The following FAF1 variants were observed in gnomAD, a reference collection of about 807,000 sequenced individuals.
FAF1 encodes FAS-associated factor 1.
A neutral mutation model predicts 92.5 loss-of-function variants in FAF1; 25 were observed. That is an observed-to-expected ratio of 0.27 (90% CI 0.20 to 0.38). The LOEUF is 0.38. FAF1 is among the 10% of genes least tolerant of loss of function. The pLI, the probability that FAF1 is intolerant of heterozygous loss-of-function variation, is 1.00. For synonymous variants in FAF1, 234 were observed against 273.2 expected (o/e 0.86, Z 1.42); for missense variants, 636 against 793.3 (o/e 0.80, Z 2.38).
chr1:50,881,526 A>G (rs1644612247), intron 1 of FAF1, among the ~76,000 whole-genome samples: 1 of 152,218 alleles, frequency 6.6e-6, no homozygotes. Context: ...CACTACCAAA[A>G]GAAGGAACAT....
At chr1:50,481,303 T>C (rs1429554984) in intron 17 of FAF1, among the ~76,000 whole-genome samples, 1 of 152,190 alleles carries the variant, frequency 6.6e-6, no homozygotes, top group Non-Finnish European at 1.5e-5. Context: ...GCTCACTGAG[T>C]CACCCAGAGC....
At chr1:50,512,545 C>T (rs1377061358) in intron 15 of FAF1, among the ~76,000 whole-genome samples, 2 of 152,154 alleles carry the variant, frequency 1.3e-5, no homozygotes, top group East Asian at 3.9e-4. Flanking sequence ...GATGGTTGTA[C>T]ATGTGTGGTG....
intron 15 of FAF1, among the ~76,000 whole-genome samples, chr1:50,530,976 C>T (rs1648134676): frequency 2.0e-5 from 3 of 152,168 alleles, no homozygotes; most frequent in Admixed American, 6.6e-5. Context: ...AAAAGTTACA[C>T]ACTTGTAGCA....
chr1:50,534,785 A>G (rs1648382412), intron 15 of FAF1, among the ~76,000 whole-genome samples: 1 of 152,180 alleles, frequency 6.6e-6, no homozygotes, highest in Admixed American at 6.5e-5. Flanking sequence ...AGTATTGAAC[A>G]CTATTGTCAT....
At chr1:50,788,241 C>T in intron 3 of FAF1, 36 bp from the exon 4 acceptor site, 1 of 1,558,412 alleles carries the variant, frequency 6.4e-7, no homozygotes, top group Non-Finnish European at 8.8e-7. Flanking sequence ...TTATTGTCAA[C>T]TAAATCATTA....
At chr1:50,948,492 T>C (rs1645188396) in intron 1 of FAF1, among the ~76,000 whole-genome samples, 1 of 151,708 alleles carries the variant, frequency 6.6e-6, no homozygotes, top group African/African-American at 2.4e-5. Context: ...AGAGAGAAAA[T>C]GGTGAAGATC....
chr1:50,558,622 T>C (rs1026591803), intron 13 of FAF1, among the ~76,000 whole-genome samples: 2 of 152,074 alleles, frequency 1.3e-5, no homozygotes, highest in African/African-American at 4.8e-5. Flanking sequence ...ATGAGAAAAA[T>C]AGAATGTGAT....
intron 6 of FAF1, among the ~76,000 whole-genome samples, chr1:50,724,047 C>A (rs1658521261): frequency 6.6e-6 from 1 of 151,908 alleles, no homozygotes; most frequent in African/African-American, 2.4e-5. Flanking sequence ...CCACACCCAG[C>A]ACAAAACCCC....
In FAF1 at chr1:50,759,996, GTTGT is replaced by G. The variant is rs1232835029; in HGVS notation, c.368-15225_368-15222del. ...TGTTCTTCACCCACTTTTTGATGGG[GTTGT>G]TTGTTTTTTTCTTGTAAATTTGTTT... On this transcript the variant is annotated intron_variant, in intron 4 of 18. Coordinates refer to ENST00000396153, the MANE Select transcript of FAF1 (RefSeq NM_007051.3). Among the ~76,000 whole-genome samples, 22 of 152,190 alleles carry G rather than the reference GTTGT, an allele frequency of 1.4e-4. No homozygotes were observed. The South Asian group carries it at 1.9e-3, about 13-fold the overall frequency.
At chr1:50,741,690 C>A (rs964845447) in intron 5 of FAF1, among the ~76,000 whole-genome samples, 8 of 152,052 alleles carry the variant, frequency 5.3e-5, no homozygotes, top group African/African-American at 7.3e-5. Flanking sequence ...TTTTAAAGAT[C>A]GAATCTACAG....
At chr1:50,664,628 A>C (rs1247480043) in intron 7 of FAF1, among the ~76,000 whole-genome samples, 1 of 152,050 alleles carries the variant, frequency 6.6e-6, no homozygotes, top group African/African-American at 2.4e-5. Flanking sequence ...GTCTCTACTA[A>C]AAATACAAAA....
chr1:50,536,762 G>A lies in FAF1; in HGVS notation c.1406-1305C>T, dbSNP rs537007379. Among the ~76,000 whole-genome samples the A allele has an allele frequency of 2.3e-4, 35 of 152,090 alleles. No homozygotes were observed. The South Asian group carries it at 6.7e-3, about 29-fold the overall frequency. ...ACCTGGAAATTGGCACATGACAAAG[G>A]CTTTAATGAATATTTATTCAATAAA... On this transcript the variant is annotated intron_variant, in intron 14 of 18. Transcript: ENST00000396153.
intron 3 of FAF1, among the ~76,000 whole-genome samples, chr1:50,799,043 C>T (rs571818595): frequency 2.0e-5 from 3 of 152,102 alleles, no homozygotes; most frequent in Non-Finnish European, 4.4e-5. Context: ...AACTCCTGAC[C>T]GCGAGTGATC....
rs140827856 is a variant in FAF1, at chr1:50,956,518, G to A, written c.45+3249C>T. Among the ~76,000 whole-genome samples, 25 of 152,228 alleles carry A rather than the reference G, an allele frequency of 1.6e-4. No individual in the cohort carries two copies. In the East Asian group the frequency reaches 4.8e-3, roughly 29 times the overall value. On this transcript the variant is annotated intron_variant, in intron 1 of 18. Coordinates refer to ENST00000396153, the MANE Select transcript of FAF1 (RefSeq NM_007051.3). ...AATACTGAGCTCTCAAACTATTATT[G>A]AGTCTCACAATCATATGATATAAAC...
At chr1:50,811,072 T>C (rs1385007554) in intron 2 of FAF1, among the ~76,000 whole-genome samples, 2 of 152,032 alleles carry the variant, frequency 1.3e-5, no homozygotes, top group Non-Finnish European at 2.9e-5. Context: ...TGGTGGCTCA[T>C]GGCTGTAATT....
intron 6 of FAF1, among the ~76,000 whole-genome samples, chr1:50,735,213 AAC>A (rs753184802): frequency 3.3e-5 from 5 of 152,230 alleles, no homozygotes; most frequent in Non-Finnish European, 5.9e-5. Flanking sequence ...CAGTATAATT[AAC>A]AGTTTGTTTT....
At chr1:50,706,820 T>C (rs1460193400) in intron 6 of FAF1, among the ~76,000 whole-genome samples, 1 of 152,192 alleles carries the variant, frequency 6.6e-6, no homozygotes, top group Non-Finnish European at 1.5e-5. Context: ...GGAAAATATT[T>C]TGGGTGTGCT....
chr1:50,480,405 CTA>C (rs1440768112), intron 17 of FAF1, among the ~76,000 whole-genome samples: 3 of 152,170 alleles, frequency 2.0e-5, no homozygotes, highest in Non-Finnish European at 4.4e-5. Flanking sequence ...CTCTAGGTTT[CTA>C]TGAGTATGTA....
intron 6 of FAF1, among the ~76,000 whole-genome samples, chr1:50,711,838 G>A (rs771265578): frequency 2.7e-4 from 41 of 152,080 alleles, no homozygotes; most frequent in Admixed American, 1.3e-4. Context: ...GAGTTTGTTT[G>A]GAGAAGTCAG....
Sources: gnomAD v4.1 joint callset for allele counts (sites outside exome capture counted in the v4.1 genomes callset) on GRCh38, gnomAD v4.1.1 for gene constraint, MANE v1.5 for transcripts, NCBI Gene and HGNC (gene_info 2026-07-23, HGNC 2026-07-21) for gene names.